Variants in OTOG observed in about 807,000 individuals in gnomAD.
OTOG encodes the protein otogelin.
A neutral mutation model predicts 313.8 loss-of-function variants in OTOG; 296 were observed. That is an observed-to-expected ratio of 0.94 (90% CI 0.86 to 1.04). The LOEUF is 1.04. Among genes scored for constraint, OTOG ranks in the 50% least tolerant of loss-of-function variants. The pLI is 0.00. For missense variants in OTOG, 3,948 were observed against 3,840.1 expected, an observed-to-expected ratio of 1.03 and a Z score of -0.74; for synonymous variants, 1,533 against 1,554.9, an observed-to-expected ratio of 0.99 and a Z score of 0.33.
At chr11:17,598,880 T>C (rs1853177065) in intron 30 of OTOG, among the ~76,000 whole-genome samples, 1 of 152,228 alleles carries the variant, frequency 6.6e-6, no homozygotes, top group Admixed American at 6.5e-5. Flanking sequence ...CCTAGTGTTC[T>C]TTCTGGAGGG....
In OTOG at chr11:17,573,083, T is replaced by C; in HGVS notation, c.2086T>C (p.Tyr696His). The C allele has an allele frequency of 6.5e-7, 1 of 1,546,544 alleles. No individual in the cohort carries two copies. Among genetic ancestry groups the C allele is most frequent in the Non-Finnish European group, 8.7e-7 (1 of 1,145,574 alleles). ...PCDVHLQAAS[Y>H]SVQACSVLTG... is the part of the protein sequence containing the mutation. ...TCCTGTTCTTCCTTCCCCAGCCTCC[T>C]ACTCAGTGCAGGCCTGCAGCGTGCT... Residue 696 changes from tyrosine to histidine, a missense_variant, in exon 19 of 56, where the codon TAC becomes CAC. Tyr to His is a moderately conservative substitution (Grantham distance 83). Transcript: ENST00000399397.
chr11:17,576,702 G>A (rs1852535707), intron 21 of OTOG, 72 bp downstream of exon 21: 4 of 1,473,702 alleles, frequency 2.7e-6, no homozygotes, highest in Non-Finnish European at 3.7e-6. Flanking sequence ...CAGTGCAGCT[G>A]ATGGAACTTT....
intron 16 of OTOG, 57 bp downstream of exon 16, chr11:17,569,345 T>C: frequency 6.5e-7 from 1 of 1,542,632 alleles, no homozygotes; most frequent in Non-Finnish European, 8.8e-7. Flanking sequence ...GGACCTCTCT[T>C]CCCAGGATCC....
chr11:17,619,302 T>A (rs145311996), intron 39 of OTOG, among the ~76,000 whole-genome samples: 70 of 152,260 alleles, frequency 4.6e-4, no homozygotes, highest in African/African-American at 1.7e-3. Flanking sequence ...AAAGTGGGAC[T>A]TTTGCAGGGG....
At chr11:17,589,279 C>T (rs1302821724) in intron 24 of OTOG, among the ~76,000 whole-genome samples, 1 of 152,114 alleles carries the variant, frequency 6.6e-6, no homozygotes, top group African/African-American at 2.4e-5. Flanking sequence ...GCTCTTTCAT[C>T]CCACTAGATA....
Position 17,556,357 on chromosome 11 carries a change from C to A in OTOG, c.659+460C>A, listed in dbSNP as rs539017828. ...AGGACCACCAGAGGAGTGGGGACCCCTTGCTCCCATACTAAAATGCCCCAG... is the reference window on the plus strand; with the variant it reads ...AGGACCACCAGAGGAGTGGGGACCCATTGCTCCCATACTAAAATGCCCCAG... On this transcript the variant is annotated intron_variant, in intron 7 of 55. Coordinates refer to ENST00000399397, the MANE Select transcript of OTOG (RefSeq NM_001292063.2). Among the ~76,000 whole-genome samples the A allele has an allele frequency of 5.9e-5, 9 of 152,294 alleles. No individual in the cohort carries two copies. The South Asian group carries it at 1.9e-3, about 32-fold the overall frequency.
At chr11:17,624,458 G>A (rs1372639335) in intron 39 of OTOG, among the ~76,000 whole-genome samples, 8 of 152,154 alleles carry the variant, frequency 5.3e-5, no homozygotes, top group Admixed American at 5.2e-4. Context: ...AGATCAGACA[G>A]CTGTAGGTGT....
rs754667248 is a variant in OTOG, at chr11:17,645,729, G to A, written c.8542-15G>A. 1 of 1,550,872 alleles carries A rather than the reference G, an allele frequency of 6.4e-7. No homozygotes were observed. Among genetic ancestry groups the A allele is most frequent in the Non-Finnish European group, 8.7e-7 (1 of 1,147,038 alleles). On this transcript the variant is annotated splice_polypyrimidine_tract_variant and intron_variant, in intron 55 of 55. Transcript: ENST00000399397. ...GTGAGCACCACAGACTGCCTCACTG[G>A]CCTGCCCGTTCCAGGTGAACCTAGT...
At chr11:17,619,560 T>A (rs1853811809) in intron 39 of OTOG, among the ~76,000 whole-genome samples, 1 of 152,190 alleles carries the variant, frequency 6.6e-6, no homozygotes, top group South Asian at 2.1e-4. Context: ...TTTTTTTTTC[T>A]CCTTCAGTGG....
chr11:17,592,617 G>A (rs898215927), intron 25 of OTOG, among the ~76,000 whole-genome samples: 1 of 152,070 alleles, frequency 6.6e-6, no homozygotes, highest in African/African-American at 2.4e-5. Context: ...TTACTTAAGA[G>A]GATACCTCGG....
chr11:17,621,597 T>G (rs1007685131), intron 39 of OTOG, among the ~76,000 whole-genome samples: 16 of 146,684 alleles, frequency 1.1e-4, no homozygotes, highest in African/African-American at 3.7e-4. Flanking sequence ...GCTTCAGAGC[T>G]CTCTCTCTCT....
At chr11:17,571,800 C>T (rs1430553565) in intron 17 of OTOG, among the ~76,000 whole-genome samples, 3 of 152,134 alleles carry the variant, frequency 2.0e-5, no homozygotes, top group Admixed American at 6.5e-5. Flanking sequence ...TGCATGTGTA[C>T]ATCCATGATT....
Position 17,570,355 on chromosome 11 carries a change from C to A in OTOG, c.1920C>A (p.Cys640Ter). The change falls in exon 17 of 56, where the codon TGC (cysteine) becomes TGA (stop). Residue 640 changes from cysteine (C) to a stop codon, truncating the protein, a stop_gained. Coordinates refer to ENST00000399397, the MANE Select transcript of OTOG (RefSeq NM_001292063.2). LOFTEE classifies it high-confidence loss of function. ...GGGTGGAGGATACCGTGGGCCTCTG[C>A]GGCACCTTCAATGGCAACACGCAGG... ...QRWVEDTVGL[C>*]GTFNGNTQDD... 1 of 1,550,554 alleles carries A rather than the reference C, an allele frequency of 6.4e-7. No individual in the cohort carries two copies. The highest frequency in any genetic ancestry group is 1.2e-5 in the South Asian group (1 of 84,052).
chr11:17,613,253 TTCTTTCTTTCTTTCTC>T (rs1853631794), intron 38 of OTOG, among the ~76,000 whole-genome samples: 1 of 121,510 alleles, frequency 8.2e-6, no homozygotes, highest in African/African-American at 3.8e-5. Flanking sequence ...CTTTCTTTCT[TTCTTTCTTTCTTTCTC>T]TCTCTGTCTG....
intron 6 of OTOG, among the ~76,000 whole-genome samples, chr11:17,554,313 C>G (rs1014065079): frequency 1.3e-5 from 2 of 152,164 alleles, no homozygotes; most frequent in African/African-American, 4.8e-5. Context: ...TTTTCTCTAC[C>G]AGCTGTGAGC....
At chr11:17,579,135 C>T (rs1384796232) in intron 23 of OTOG, among the ~76,000 whole-genome samples, 1 of 152,210 alleles carries the variant, frequency 6.6e-6, no homozygotes, top group African/African-American at 2.4e-5. Context: ...TGCCCATTCT[C>T]ATTCCCAGGT....
Position 17,610,636 on chromosome 11 carries a change from C to T in OTOG, c.5336C>T (p.Thr1779Ile). The T allele has an allele frequency of 6.4e-7, 1 of 1,550,714 alleles. No individual in the cohort carries two copies. Among genetic ancestry groups the T allele is most frequent in the South Asian group, 1.2e-5 (1 of 84,060 alleles). ...TPAAASLSTA[T>I]DGLAATPFMS... ...GCTGCCGCCAGCCTGTCAACAGCCA[C>T]TGATGGGCTGGCAGCCACACCCTTC... Residue 1779 changes from threonine to isoleucine, a missense_variant, in exon 36 of 56, where the codon ACT becomes ATT. Transcript: ENST00000399397.
Position 17,570,278 on chromosome 11 carries a change from G to A in OTOG, c.1843G>A (p.Val615Met). The A allele has an allele frequency of 6.4e-7, 1 of 1,550,840 alleles. No individual in the cohort carries two copies. The highest frequency in any genetic ancestry group is 2.4e-5 in the East Asian group (1 of 40,916). Residue 615 changes from valine to methionine, a missense_variant, in exon 17 of 56, where the codon GTG becomes ATG. Coordinates refer to ENST00000399397, the MANE Select transcript of OTOG (RefSeq NM_001292063.2). ...GGTGAGGACGAACGTGGGCGTGCGG[G>A]TGCTCTACGACCGTGAAGGGCTCCG... Reference protein sequence around the residue: ...LRVRTNVGVRVLYDREGLRLY... With the variant: ...LRVRTNVGVRMLYDREGLRLY...
At chr11:17,616,086 G>T (rs1278054149) in intron 39 of OTOG, among the ~76,000 whole-genome samples, 1 of 151,992 alleles carries the variant, frequency 6.6e-6, no homozygotes, top group Non-Finnish European at 1.5e-5. Context: ...TAGAGACAGG[G>T]TCTTTCCCTA....
Sources: gnomAD v4.1 joint callset for allele counts (sites outside exome capture counted in the v4.1 genomes callset) on GRCh38, gnomAD v4.1.1 for gene constraint, MANE v1.5 for transcripts, NCBI Gene and HGNC (gene_info 2026-07-23, HGNC 2026-07-21) for gene names.